Variants in FAM13A observed in about 807,000 individuals in gnomAD.
The protein encoded by FAM13A is family with sequence similarity 13 member A.
FAM13A carries 76 observed loss-of-function variants against 129.6 expected under a neutral mutation model. That is an observed-to-expected ratio of 0.59 (90% CI 0.49 to 0.71). The LOEUF (loss-of-function observed/expected upper bound fraction) is 0.71. Ranked by LOEUF, FAM13A falls within the 30% of genes least tolerant of loss-of-function variation. The probability of loss-of-function intolerance (pLI) is 0.00; values close to 1 mark genes in which losing one functional copy is unlikely to be tolerated. For synonymous variants in FAM13A, 443 were observed against 449.9 expected, an observed-to-expected ratio of 0.98 and a Z score of 0.20; for missense variants, 1,108 against 1,249.3, an observed-to-expected ratio of 0.89 and a Z score of 1.70.
intron 4 of FAM13A, among the ~76,000 whole-genome samples, chr4:88,951,572 T>C (rs1756959018): frequency 6.6e-6 from 1 of 152,148 alleles, no homozygotes. Flanking sequence ...AAGTAACTTT[T>C]AGTTTTATTT....
chr4:88,923,791 T>C (rs912256059), intron 5 of FAM13A, among the ~76,000 whole-genome samples: 29 of 152,130 alleles, frequency 1.9e-4, no homozygotes, highest in Non-Finnish European at 4.1e-4. Flanking sequence ...CATGATTGTA[T>C]ATCTAGAAAA....
intron 4 of FAM13A, among the ~76,000 whole-genome samples, chr4:88,946,712 T>C (rs1161647559): frequency 6.6e-6 from 1 of 151,984 alleles, no homozygotes; most frequent in Non-Finnish European, 1.5e-5. Context: ...TTTTATTTAT[T>C]TGATTTTAGT....
chr4:88,997,074 G>A (rs1313356208), intron 3 of FAM13A, among the ~76,000 whole-genome samples: 1 of 152,124 alleles, frequency 6.6e-6, no homozygotes, highest in Non-Finnish European at 1.5e-5. Context: ...TCCTTTAGTG[G>A]TCACAGGGAA....
At chr4:88,821,847 C>T (rs556280881) in intron 7 of FAM13A, among the ~76,000 whole-genome samples, 1 of 152,182 alleles carries the variant, frequency 6.6e-6, no homozygotes, top group Non-Finnish European at 1.5e-5. Flanking sequence ...CCATCAGGTT[C>T]CCATGACAGT....
At chr4:88,842,897 T>C in intron 7 of FAM13A, among the ~76,000 whole-genome samples, 1 of 152,210 alleles carries the variant, frequency 6.6e-6, no homozygotes. Flanking sequence ...CAGATTTTTG[T>C]GAATGAGTAA....
At chr4:88,765,532 G>A (rs1020493682) in intron 13 of FAM13A, among the ~76,000 whole-genome samples, 2 of 152,128 alleles carry the variant, frequency 1.3e-5, no homozygotes, top group Non-Finnish European at 2.9e-5. Flanking sequence ...ATTAAATATT[G>A]GGTGGTGTAA....
intron 7 of FAM13A, among the ~76,000 whole-genome samples, chr4:88,825,894 T>C (rs1732908542): frequency 1.3e-5 from 2 of 152,190 alleles, no homozygotes; most frequent in South Asian, 2.1e-4. Context: ...CCATCATTTA[T>C]AACAATTCCT....
At chr4:89,013,804 CAAG>C (rs1766076352) in intron 3 of FAM13A, among the ~76,000 whole-genome samples, 2 of 152,148 alleles carry the variant, frequency 1.3e-5, no homozygotes, top group South Asian at 4.2e-4. Context: ...ACATTTCATT[CAAG>C]GTCATTTTGT....
At chr4:88,849,011 A>T (rs978655637) in intron 7 of FAM13A, among the ~76,000 whole-genome samples, 4 of 152,110 alleles carry the variant, frequency 2.6e-5, no homozygotes, top group African/African-American at 9.6e-5. Context: ...ATAAACTCAT[A>T]TGTGTTTTGT....
intron 21 of FAM13A, among the ~76,000 whole-genome samples, chr4:88,737,033 T>A (rs1160780779): frequency 6.6e-6 from 1 of 152,216 alleles, no homozygotes; most frequent in Non-Finnish European, 1.5e-5. Flanking sequence ...ATTTCCTATG[T>A]TAATTTTGAT....
At chr4:88,818,490 T>C (rs2149814545) in intron 7 of FAM13A, among the ~76,000 whole-genome samples, 1 of 152,340 alleles carries the variant, frequency 6.6e-6, no homozygotes, top group South Asian at 2.1e-4. Flanking sequence ...CTTTACTTTT[T>C]CAGTGGTTTA....
chr4:88,967,263 T>C (rs1034777941), intron 4 of FAM13A, among the ~76,000 whole-genome samples: 1 of 152,362 alleles, frequency 6.6e-6, no homozygotes. Context: ...GCAGTACGTC[T>C]CTCTGATTTA....
chr4:88,883,407 A>T (rs1743906451), intron 6 of FAM13A, among the ~76,000 whole-genome samples: 1 of 152,198 alleles, frequency 6.6e-6, no homozygotes, highest in Non-Finnish European at 1.5e-5. Flanking sequence ...CTGCTCCTGA[A>T]TGATCATTGG....
At chr4:88,880,284 C>T (rs918211602) in intron 6 of FAM13A, among the ~76,000 whole-genome samples, 5 of 152,044 alleles carry the variant, frequency 3.3e-5, no homozygotes, top group African/African-American at 4.8e-5. Flanking sequence ...GTGTGAAAGG[C>T]GAACCGTCCA....
Position 88,726,549 on chromosome 4 carries a change from C to G in FAM13A, c.*1984G>C, listed in dbSNP as rs1391460685. ...ATTTTTCCAAAAACATAGTCTTAAACAAATGTGCTTTAAAAGCTAACTGGT... is the reference window on the plus strand; with the variant it reads ...ATTTTTCCAAAAACATAGTCTTAAAGAAATGTGCTTTAAAAGCTAACTGGT... On this transcript the variant is annotated 3_prime_UTR_variant, in exon 24 of 24. Coordinates refer to ENST00000264344, the MANE Select transcript of FAM13A (RefSeq NM_014883.4). 6.6e-6 allele frequency: 1 copy of G among 152,422 alleles called. No individual in the cohort carries two copies. Among genetic ancestry groups the G allele is most frequent in the Non-Finnish European group, 1.5e-5 (1 of 67,982 alleles). The allele number at this position is 152,422 out of a possible 1,614,324, so 9.4% of individuals were successfully genotyped here. A position where few individuals can be genotyped will look rare whatever the true frequency, so the allele number is the denominator to read the frequency against.
intron 3 of FAM13A, among the ~76,000 whole-genome samples, chr4:89,020,011 CATT>C (rs1767027831): frequency 6.6e-6 from 1 of 151,898 alleles, no homozygotes; most frequent in South Asian, 2.1e-4. Flanking sequence ...TTATGACAGT[CATT>C]AGTCAGAAAA....
At chr4:88,890,628 A>C (rs1181960807) in intron 6 of FAM13A, among the ~76,000 whole-genome samples, 1 of 152,250 alleles carries the variant, frequency 6.6e-6, no homozygotes, top group East Asian at 1.9e-4. Context: ...CTATATGGAC[A>C]ATAGATGCAG....
intron 11 of FAM13A, among the ~76,000 whole-genome samples, chr4:88,780,157 C>A (rs949276261): frequency 2.6e-5 from 4 of 152,088 alleles, no homozygotes; most frequent in African/African-American, 9.7e-5. Flanking sequence ...CAGTTTACTT[C>A]CAGAAACAAT....
At chr4:88,915,205 T>C (rs1034195166) in intron 5 of FAM13A, among the ~76,000 whole-genome samples, 1 of 152,230 alleles carries the variant, frequency 6.6e-6, no homozygotes, top group Admixed American at 6.5e-5. Context: ...TACAACCCCA[T>C]AGAAGTCTCT....
Sources: allele counts gnomAD v4.1 joint callset (sites outside exome capture counted in the v4.1 genomes callset), GRCh38; gene constraint gnomAD v4.1.1; transcripts MANE v1.5; gene names NCBI Gene and HGNC (gene_info 2026-07-23, HGNC 2026-07-21).